Variants in APOB observed in about 807,000 individuals in gnomAD.
APOB encodes the protein apolipoprotein B-100.
Under a neutral mutation model 314.1 loss-of-function variants are expected in APOB, and 153 were observed. The ratio of observed to expected loss-of-function variants is 0.49; its 90% CI spans 0.43 to 0.56. The LOEUF is 0.56. Among genes scored for constraint, APOB ranks in the 20% least tolerant of loss-of-function variants. APOB has a pLI of 0.00. For synonymous variants in APOB, 2,087 were observed against 2,036.4 expected (o/e 1.02, Z -0.67); for missense variants, 5,430 against 5,350.7 (o/e 1.01, Z -0.46).
intron 20 of APOB, 62 bp from the exon 21 acceptor site, chr2:21,016,711 G>GCA (rs1663475866): frequency 8.9e-7 from 1 of 1,128,138 alleles, no homozygotes; most frequent in African/African-American, 1.5e-5. Context: ...TGGGCCGGGT[G>GCA]CGGTGGCTCA....
chr2:21,001,851 G>A lies in APOB; in HGVS notation c.13571C>T (p.Ser4524Phe). ...CAGAAATGTGTGGTAGTTTTGAATGGACAGGTCAATCAATCTTTTGGATTC... is the reference window on the plus strand; with the variant it reads ...CAGAAATGTGTGGTAGTTTTGAATGAACAGGTCAATCAATCTTTTGGATTC... ...IAESKRLIDL[S>F]IQNYHTFLIY... is the part of the protein sequence containing the mutation. The change falls in exon 29 of 29, where the codon TCC becomes TTC. Residue 4524 changes from serine (S) to phenylalanine (F), a missense_variant. Transcript: ENST00000233242. The A allele has an allele frequency of 6.2e-7, 1 of 1,614,034 alleles. No homozygotes were observed. The highest frequency in any genetic ancestry group is 1.7e-5 in the Admixed American group (1 of 60,010).
Position 21,007,171 on chromosome 2 carries a change from A to G in APOB, c.9697T>C (p.Tyr3233His), listed in dbSNP as rs1472017743. The G allele has an allele frequency of 6.2e-7, 1 of 1,613,896 alleles. No individual in the cohort carries two copies. The highest frequency in any genetic ancestry group is 8.5e-7 in the Non-Finnish European group (1 of 1,179,918). ...TCGTCGTGAGATTTTTCAGCTTTGT[A>G]CTTATCAAACTTAATTTTTGTTTCA... The part of the protein sequence containing the change: ...YNETKIKFDK[Y>H]KAEKSHDELP... The change falls in exon 26 of 29, where the codon TAC (tyrosine) becomes CAC (histidine). Residue 3233 changes from tyrosine to histidine, a missense_variant. Physicochemically the swap from Tyr to His is moderately conservative, Grantham distance 83. Transcript: ENST00000233242.
At position 21,012,170 on chromosome 2, in the gene APOB, G is replaced by A. The variant is rs374547474; in HGVS notation, c.4698C>T (p.Tyr1566=). ...TGGTGTCAGATTTTAAAGTCAGCTC[G>A]TAGTTCTCATACTTTAGGGAAGCAG... The part of the protein sequence containing the change: ...KNTASLKYEN[Y]ELTLKSDTNG... The change falls in exon 26 of 29, where the codon TAC becomes TAT. Residue 1566 remains tyrosine (Y), a synonymous_variant. Coordinates refer to ENST00000233242, the MANE Select transcript of APOB (RefSeq NM_000384.3). The A allele has an allele frequency of 6.1e-5, 98 of 1,601,496 alleles. No individual in the cohort carries two copies. Among genetic ancestry groups the A allele is most frequent in the Middle Eastern group, 1.7e-4 (1 of 5,978 alleles).
rs151333262 is a variant in APOB, at chr2:21,002,239, C to T, written c.13183G>A (p.Gly4395Ser). The part of the protein sequence containing the change: ...REEYFDPSIV[G>S]WTVKYYELEE... ...AGTTCATAATATTTCACTGTCCAGC[C>T]AACTATACTTGGATCAAAATATTCT... is the stretch of plus-strand genomic sequence containing the variant. Residue 4395 changes from glycine to serine, a missense_variant, in exon 29 of 29, where the codon GGC becomes AGC. By Grantham distance (56) the Gly-to-Ser change is moderately conservative. Transcript: ENST00000233242. 52 of 1,613,938 alleles carry T rather than the reference C, an allele frequency of 3.2e-5. No individual in the cohort carries two copies. The African/African-American group carries it at 6.3e-4, about 19-fold the overall frequency.
intron 14 of APOB, among the ~76,000 whole-genome samples, chr2:21,027,345 T>G (rs1390422679): frequency 4.1e-5 from 6 of 146,698 alleles, no homozygotes; most frequent in African/African-American, 1.5e-4. Context: ...GGAGTCTTGC[T>G]CTGTCGCCCA....
intron 5 of APOB, 38 bp downstream of exon 5, chr2:21,037,920 T>C: frequency 6.2e-7 from 1 of 1,613,440 alleles, no homozygotes; most frequent in Non-Finnish European, 8.5e-7. Context: ...TGAAGATGAG[T>C]TTCAAGGGCC....
chr2:21,033,633 A>G (rs1663934353), intron 8 of APOB, 115 bp from the exon 9 acceptor site: 1 of 889,268 alleles, frequency 1.1e-6, no homozygotes. Flanking sequence ...GAAAGAAACT[A>G]TCCTGTATTC....
intron 4 of APOB, among the ~76,000 whole-genome samples, chr2:21,039,421 T>C (rs1177230779): frequency 6.6e-6 from 1 of 152,240 alleles, no homozygotes; most frequent in East Asian, 1.9e-4. Context: ...ATGCTGACTT[T>C]GGTCTTAGGG....
At position 21,035,622 on chromosome 2, in the gene APOB, G is replaced by T. The variant is rs1663983218; in HGVS notation, c.780C>A (p.Ile260=). Residue 260 remains isoleucine, a synonymous_variant, in exon 7 of 29, where the codon ATC becomes ATA. Coordinates refer to ENST00000233242, the MANE Select transcript of APOB (RefSeq NM_000384.3). Reference sequence around the variant, plus strand: ...GCAGGAAGAGGTGTTGCTCCTTGCAGATGGCTTCTGCCACATGCTTCCTCT... The same window carrying T: ...GCAGGAAGAGGTGTTGCTCCTTGCATATGGCTTCTGCCACATGCTTCCTCT... ...DAKRKHVAEA[I]CKEQHLFLPF... The T allele has an allele frequency of 6.2e-7, 1 of 1,614,120 alleles. No homozygotes were observed. The highest frequency in any genetic ancestry group is 1.3e-5 in the African/African-American group (1 of 75,058).
intron 20 of APOB, 138 bp from the exon 21 acceptor site, chr2:21,016,787 A>G (rs1470374363): frequency 5.8e-6 from 4 of 694,488 alleles, no homozygotes; most frequent in Admixed American, 2.1e-5. Context: ...GATCAAGACC[A>G]TTCTGGCTAA....
rs560540302 is a variant in APOB, at chr2:21,032,611, C to T, written c.1125-30G>A. The T allele has an allele frequency of 4.5e-6, 7 of 1,556,538 alleles. No homozygotes were observed. In the South Asian group the frequency reaches 7.8e-5, roughly 17 times the overall value. ...GAAGAAAGACATGGATAAAGTTATA[C>T]AGACCACCTTCAGGGCACATAAAAT... On this transcript the variant is annotated intron_variant, in intron 9 of 28. Transcript: ENST00000233242.
At chr2:21,013,136 A>C in intron 25 of APOB, 24 bp downstream of exon 25, 1 of 1,612,826 alleles carries the variant, frequency 6.2e-7, no homozygotes, top group Non-Finnish European at 8.5e-7. Flanking sequence ...AGCCCGGTGC[A>C]CCCTTTACCT....
intron 18 of APOB, among the ~76,000 whole-genome samples, chr2:21,020,958 T>A (rs1663591529): frequency 6.6e-6 from 1 of 152,204 alleles, no homozygotes; most frequent in South Asian, 2.1e-4. Context: ...TTCTCCATAT[T>A]TCTGTCCTCA....
Position 21,019,079 on chromosome 2 carries a change from C to T in APOB, c.3034G>A (p.Glu1012Lys), listed in dbSNP as rs575505383. The change falls in exon 20 of 29, where the codon GAG becomes AAG. Residue 1012 changes from glutamate to lysine, a missense_variant. This residue lies in a region of APOB where 2,085 missense variants were observed against 2,079.7 expected (regional missense o/e 1.00). Transcript: ENST00000233242. The stretch of plus-strand genomic sequence containing the variant: ...TAGGTTGCGCTGACAGAATACTGCT[C>T]AATCTCTCCTGTAGGCCTCAGTTCC... ...ELELRPTGEIEQYSVSATYEL... is the reference protein window; with the variant it reads ...ELELRPTGEIKQYSVSATYEL... 589 of 1,614,044 alleles carry T rather than the reference C, an allele frequency of 3.6e-4. 6 individuals carry two copies. In the South Asian group the frequency reaches 5.5e-3, roughly 15 times the overall value.
rs145807061 is a variant in APOB at position 21,002,598 on chromosome 2, T to G, written c.12824A>C (p.Asp4275Ala). The change falls in exon 29 of 29, where the codon GAT becomes GCT. Residue 4275 changes from aspartate to alanine, a missense_variant. Transcript: ENST00000233242. ...VISMYRELLK[D>A]LSKEAQEVFK... ...TACCTCTTGGGCTTCTTTTGATAAA[T>G]CTTTCAACAGTTCCCTATACATCGA... is the stretch of plus-strand genomic sequence containing the variant. The G allele has an allele frequency of 6.8e-6, 11 of 1,613,986 alleles. No homozygotes were observed. The Admixed American group carries it at 1.0e-4, about 15-fold the overall frequency.
At chr2:21,027,713 T>G in intron 14 of APOB, 115 bp downstream of exon 14, 1 of 822,086 alleles carries the variant, frequency 1.2e-6, no homozygotes. Context: ...AGAATCATGG[T>G]AGGAAGTGCC....
Position 21,002,759 on chromosome 2 carries a change from T to C in APOB, c.12663A>G (p.Ile4221Met). 3 of 1,609,302 alleles carry C rather than the reference T, an allele frequency of 1.9e-6. No homozygotes were observed. Among genetic ancestry groups the C allele is most frequent in the Non-Finnish European group, 2.5e-6 (3 of 1,177,100 alleles). Residue 4221 changes from isoleucine (I) to methionine (M), a missense_variant, in exon 29 of 29, where the codon ATA becomes ATG. Physicochemically the swap from Ile to Met is conservative, Grantham distance 10. This residue lies in a region of APOB where 3,281 missense variants were observed against 3,171.0 expected (regional missense o/e 1.03). Transcript: ENST00000233242. The part of the protein sequence containing the change: ...YTREELCTMF[I>M]REVGTVLSQV... ...GGGACAGTACCGTCCCTACCTCCCT[T>C]ATGAACATAGTGCAAAGTTCCTCCC...
At chr2:21,019,204 A>G in intron 19 of APOB, 91 bp from the exon 20 acceptor site, 1 of 1,489,568 alleles carries the variant, frequency 6.7e-7, no homozygotes, top group South Asian at 1.1e-5. Context: ...CAAATGCAAC[A>G]AAAATATGGT....
In APOB at chr2:21,032,422, C is replaced by G. The variant is rs1364528208; in HGVS notation, c.1284G>C (p.Glu428Asp). 1 of 1,614,016 alleles carries G rather than the reference C, an allele frequency of 6.2e-7. No homozygotes were observed. The highest frequency in any genetic ancestry group is 1.3e-5 in the African/African-American group (1 of 74,938). The change falls in exon 10 of 29, where the codon GAG becomes GAC. Residue 428 changes from glutamate (E) to aspartate (D), a missense_variant. Coordinates refer to ENST00000233242, the MANE Select transcript of APOB (RefSeq NM_000384.3). ...IPEPSAQQLR[E>D]IFNMARDQRS... ...GCTGATCCCTCGCCATGTTGAAGAT[C>G]TCTCGCAGCTGCTGTGCTGAGGGCT...
Sources: gnomAD v4.1 joint callset for allele counts (sites outside exome capture counted in the v4.1 genomes callset) on GRCh38, gnomAD v4.1.1 for gene constraint, gnomAD v4.1.1 regional missense constraint, MANE v1.5 for transcripts, NCBI Gene and HGNC (gene_info 2026-07-23, HGNC 2026-07-21) for gene names.